CDH13: variants seen among roughly 807,000 people sequenced by gnomAD.
CDH13 encodes cadherin 13, also known as cadherin-13.
Under a neutral mutation model 63.8 loss-of-function variants are expected in CDH13, and 24 were observed. That is an observed-to-expected ratio of 0.38 (90% confidence interval 0.27 to 0.53). CDH13 has a LOEUF of 0.53. CDH13 is among the 20% of genes least tolerant of loss of function. The pLI is 0.85. For synonymous variants in CDH13, 503 were observed against 355.3 expected (o/e 1.42, Z -4.67); for missense variants, 1,049 against 903.1 (o/e 1.16, Z -2.07).
chr16:82,956,000 A>T (rs1259449054), intron 2 of CDH13, among the ~76,000 whole-genome samples: 1 of 152,180 alleles, frequency 6.6e-6, no homozygotes, highest in Non-Finnish European at 1.5e-5. Context: ...TGTGTACTAG[A>T]CACTGCCTCT....
chr16:83,494,046 C>T (rs753761282), intron 7 of CDH13, among the ~76,000 whole-genome samples: 9 of 152,182 alleles, frequency 5.9e-5, no homozygotes, highest in Non-Finnish European at 1.3e-4. Context: ...TCAGTAGTTA[C>T]TGGGCACATG....
At chr16:82,741,218 A>T (rs1007896472) in intron 1 of CDH13, among the ~76,000 whole-genome samples, 2 of 152,220 alleles carry the variant, frequency 1.3e-5, no homozygotes, top group Non-Finnish European at 2.9e-5. Flanking sequence ...GGCTAGCTTT[A>T]CAATAACCTT....
At chr16:82,917,263 A>G (rs1991028) in intron 2 of CDH13, among the ~76,000 whole-genome samples, 54,501 of 152,072 alleles carry the variant, frequency 0.36, 10,537 homozygotes, top group Non-Finnish European at 0.44. Context: ...GACCATGCTG[A>G]TCTCCATTGG....
chr16:83,223,829 A>T (rs1416591250), intron 5 of CDH13, among the ~76,000 whole-genome samples: 1 of 152,216 alleles, frequency 6.6e-6, no homozygotes, highest in Non-Finnish European at 1.5e-5. Context: ...TTGTGATGAC[A>T]TGAGTGCAAT....
chr16:83,260,577 T>C (rs1457276249), intron 5 of CDH13, among the ~76,000 whole-genome samples: 2 of 152,160 alleles, frequency 1.3e-5, no homozygotes, highest in African/African-American at 4.8e-5. Context: ...CCAGCAGGTC[T>C]GGGAGGGACT....
At chr16:83,724,824 C>T (rs776410029) in intron 10 of CDH13, among the ~76,000 whole-genome samples, 3 of 152,182 alleles carry the variant, frequency 2.0e-5, no homozygotes, top group East Asian at 1.9e-4. Context: ...ATATTGTAAC[C>T]TGCAGCCAGG....
intron 2 of CDH13, among the ~76,000 whole-genome samples, chr16:83,026,211 TGCCCAAGGGG>T (rs1233156541): frequency 6.6e-6 from 1 of 152,230 alleles, no homozygotes; most frequent in Non-Finnish European, 1.5e-5. Context: ...GTTTGTGAGA[TGCCCAAGGGG>T]GCCATGTTGG....
intron 3 of CDH13, among the ~76,000 whole-genome samples, chr16:83,083,981 A>T (rs2033423727): frequency 6.6e-6 from 1 of 152,218 alleles, no homozygotes. Flanking sequence ...TCGAGACCAG[A>T]CCTTTGCAAT....
At chr16:83,535,868 GGA>G (rs965931810) in intron 7 of CDH13, among the ~76,000 whole-genome samples, 4 of 147,924 alleles carry the variant, frequency 2.7e-5, no homozygotes, top group African/African-American at 7.5e-5. Flanking sequence ...AAGGAAGGAA[GGA>G]GAGAGGAAGA....
chr16:82,824,304 G>C (rs959089077), intron 1 of CDH13: 5 of 134,086 alleles, frequency 3.7e-5, no homozygotes, highest in East Asian at 1.9e-4. Flanking sequence ...TTTTAGAAAC[G>C]GAAAGGAAAA....
chr16:83,337,621 A>ATTTTTTTTTTTTTTTTTT (rs66957563), intron 5 of CDH13, among the ~76,000 whole-genome samples: 1 of 52,246 alleles, frequency 1.9e-5, no homozygotes, highest in East Asian at 7.7e-4. Context: ...TGACAAGCGT[A>ATTTTTTTTTTTTTTTTTT]TTTTTTTTTT....
intron 6 of CDH13, among the ~76,000 whole-genome samples, chr16:83,366,617 C>G (rs1218814270): frequency 2.0e-5 from 3 of 152,196 alleles, no homozygotes; most frequent in Non-Finnish European, 4.4e-5. Flanking sequence ...TGGTTTAAGG[C>G]TTGTACAAGC....
chr16:82,896,276 A>ATTTTTTAGTTTTTTTTTTT (rs2041254016), intron 2 of CDH13, among the ~76,000 whole-genome samples: 1 of 87,816 alleles, frequency 1.1e-5, no homozygotes, highest in Non-Finnish European at 2.2e-5. Context: ...TAGGATTAGG[A>ATTTTTTAGTTTTTTTTTTT]TTTTTTTTTT....
At chr16:83,173,854 C>T (rs1218242517) in intron 4 of CDH13, among the ~76,000 whole-genome samples, 2 of 151,972 alleles carry the variant, frequency 1.3e-5, no homozygotes, top group African/African-American at 2.4e-5. Flanking sequence ...CTTCATTCTG[C>T]CACCCTGGGG....
At chr16:83,518,086 G>A (rs757118320) in intron 7 of CDH13, among the ~76,000 whole-genome samples, 2 of 152,138 alleles carry the variant, frequency 1.3e-5, no homozygotes, top group Non-Finnish European at 2.9e-5. Context: ...TTATCATGGG[G>A]GTGGTTAACC....
At chr16:82,786,846 A>G (rs1279903879) in intron 1 of CDH13, among the ~76,000 whole-genome samples, 4 of 151,952 alleles carry the variant, frequency 2.6e-5, no homozygotes, top group African/African-American at 7.3e-5. Context: ...ATCCTTTTCT[A>G]TGGCTGCATA....
chr16:83,329,192 G>A (rs1414109179), intron 5 of CDH13, among the ~76,000 whole-genome samples: 2 of 152,138 alleles, frequency 1.3e-5, no homozygotes, highest in African/African-American at 4.8e-5. Context: ...GCAGTTTTCA[G>A]ATGAATCCCA....
intron 10 of CDH13, among the ~76,000 whole-genome samples, chr16:83,701,315 A>T (rs568209435): frequency 6.6e-6 from 1 of 152,352 alleles, no homozygotes; most frequent in East Asian, 1.9e-4. Flanking sequence ...TGCATAAAGA[A>T]GTCTGATGAT....
intron 7 of CDH13, among the ~76,000 whole-genome samples, chr16:83,575,319 C>T (rs34485537): frequency 0.35 from 52,984 of 152,120 alleles, 10,594 homozygotes; most frequent in East Asian, 0.58. Flanking sequence ...TGAATTATAT[C>T]TCAGAAAGCT....
Sources: gnomAD v4.1 joint callset for allele counts (sites outside exome capture counted in the v4.1 genomes callset) on GRCh38, gnomAD v4.1.1 for gene constraint, MANE v1.5 for transcripts, NCBI Gene and HGNC (gene_info 2026-07-23, HGNC 2026-07-21) for gene names.